FARP1: variants seen among roughly 807,000 people sequenced by gnomAD.
FARP1 encodes FERM, ARHGEF and pleckstrin domain-containing protein 1.
FARP1 carries 52 observed loss-of-function variants against 128.8 expected under a neutral mutation model. That is an observed-to-expected ratio of 0.40 (90% CI 0.32 to 0.51). The LOEUF (loss-of-function observed/expected upper bound fraction) is 0.51. Among genes scored for constraint, FARP1 ranks in the 20% least tolerant of loss-of-function variants. FARP1 has a pLI of 0.45. For synonymous variants in FARP1, 580 were observed against 551.8 expected, an observed-to-expected ratio of 1.05 and a Z score of -0.72; for missense variants, 1,333 against 1,367.9, an observed-to-expected ratio of 0.97 and a Z score of 0.40.
intron 5 of FARP1, 138 bp from the exon 6 acceptor site, chr13:98,377,683 C>A: frequency 1.6e-6 from 1 of 627,858 alleles, no homozygotes. Context: ...CAGTGAATGG[C>A]AGCTGGAATC....
chr13:98,206,115 G>A (rs1880245456), intron 1 of FARP1, among the ~76,000 whole-genome samples: 1 of 151,932 alleles, frequency 6.6e-6, no homozygotes, highest in Admixed American at 6.6e-5. Flanking sequence ...CTTTGCAGGA[G>A]CCTCAGTGGG....
chr13:98,165,214 C>CAA (rs34285712), intron 1 of FARP1, among the ~76,000 whole-genome samples: 33,317 of 84,660 alleles, frequency 0.39, 8,921 homozygotes, highest in South Asian at 0.53. Flanking sequence ...GACTCTGTCT[C>CAA]AAAAAAAAAA....
In FARP1 at chr13:98,455,014, A is replaced by G. The variant is rs1190892112; in HGVS notation, c.*6697A>G. On this transcript the variant is annotated 3_prime_UTR_variant, in exon 27 of 27. Coordinates refer to ENST00000319562, the MANE Select transcript of FARP1 (RefSeq NM_005766.4). ...GTAAATAGGGTCAACCCCAGCCACGATGCCCAGTGAGCACGTAAAATGTGC... is the reference window on the plus strand; with the variant it reads ...GTAAATAGGGTCAACCCCAGCCACGGTGCCCAGTGAGCACGTAAAATGTGC... 2 of 152,254 alleles carry G rather than the reference A, an allele frequency of 1.3e-5. No homozygotes were observed. The highest frequency in any genetic ancestry group is 2.9e-5 in the Non-Finnish European group (2 of 68,054). 9.4% of individuals were successfully genotyped at this position (152,254 alleles called of 1,614,324 possible). A position where few individuals can be genotyped will look rare whatever the true frequency, so the allele number is the denominator to read the frequency against.
At position 98,446,081 on chromosome 13, in the gene FARP1, G is replaced by C. The variant is rs574768202; in HGVS notation, c.2797-17G>C. The C allele has an allele frequency of 3.2e-5, 50 of 1,575,450 alleles. No homozygotes were observed. Among genetic ancestry groups the C allele is most frequent in the Non-Finnish European group, 4.4e-5 (50 of 1,144,950 alleles). On this transcript the variant is annotated splice_polypyrimidine_tract_variant and intron_variant, in intron 24 of 26. Transcript: ENST00000319562. ...CAGGTGCCCGCTGTGCTTCTCACAG[G>C]CCTCCTTGCCTTTCAGAATCAGTTG...
At chr13:98,226,768 T>C (rs9584775) in intron 2 of FARP1, among the ~76,000 whole-genome samples, 39,445 of 151,968 alleles carry the variant, frequency 0.26, 7,668 homozygotes, top group East Asian at 0.76. Context: ...AAATCCCAGC[T>C]GTATTAATCA....
chr13:98,284,742 T>A (rs1421356613), intron 2 of FARP1, among the ~76,000 whole-genome samples: 2 of 152,178 alleles, frequency 1.3e-5, no homozygotes, highest in Admixed American at 1.3e-4. Flanking sequence ...GTTGAGAAAA[T>A]TAATTTCTAA....
At chr13:98,252,186 T>C (rs1883367541) in intron 2 of FARP1, among the ~76,000 whole-genome samples, 1 of 152,204 alleles carries the variant, frequency 6.6e-6, no homozygotes, top group African/African-American at 2.4e-5. Flanking sequence ...ATATGTATTA[T>C]ATTAGCATAT....
chr13:98,412,487 G>C (rs778708139), intron 16 of FARP1, among the ~76,000 whole-genome samples: 1 of 152,182 alleles, frequency 6.6e-6, no homozygotes, highest in African/African-American at 2.4e-5. Flanking sequence ...TGTATGTGGC[G>C]TGTGCATGCG....
At position 98,299,101 on chromosome 13, in the gene FARP1, T is replaced by A; in HGVS notation, c.172-44661T>A. Among the ~76,000 whole-genome samples the A allele has an allele frequency of 3.9e-5, 6 of 152,324 alleles. No individual in the cohort carries two copies. The East Asian group carries it at 9.6e-4, about 24-fold the overall frequency. On this transcript the variant is annotated intron_variant, in intron 2 of 26. Coordinates refer to ENST00000319562, the MANE Select transcript of FARP1 (RefSeq NM_005766.4). ...GTGCACAACTTCAGAAAATATTGAT[T>A]ATATTTAAAAAATATTGATTTTAAT...
At chr13:98,339,471 G>A (rs1165959327) in intron 2 of FARP1, among the ~76,000 whole-genome samples, 1 of 152,178 alleles carries the variant, frequency 6.6e-6, no homozygotes, top group Non-Finnish European at 1.5e-5. Flanking sequence ...TTCAACATGA[G>A]ATTTGGGTGG....
At chr13:98,437,650 G>A (rs563790983) in intron 19 of FARP1, 2 of 626,566 alleles carry the variant, frequency 3.2e-6, no homozygotes, top group Non-Finnish European at 5.7e-6. Context: ...GGTGATAGCT[G>A]GGCGCAGGAA....
intron 2 of FARP1, among the ~76,000 whole-genome samples, chr13:98,300,808 T>A (rs1885893927): frequency 6.6e-6 from 1 of 152,244 alleles, no homozygotes; most frequent in Non-Finnish European, 1.5e-5. Flanking sequence ...TCCAAAAATG[T>A]TGGCCTGGTC....
intron 4 of FARP1, among the ~76,000 whole-genome samples, chr13:98,367,329 AGT>A (rs1889131407): frequency 6.6e-6 from 1 of 152,112 alleles, no homozygotes; most frequent in African/African-American, 2.4e-5. Context: ...ACTAATTTTT[AGT>A]ACAGACAGGG....
At chr13:98,367,070 C>T (rs1276937265) in intron 4 of FARP1, among the ~76,000 whole-genome samples, 1 of 152,034 alleles carries the variant, frequency 6.6e-6, no homozygotes, top group Non-Finnish European at 1.5e-5. Context: ...AAAGGGCAGA[C>T]CTTTTAAGAT....
rs1338044884 is a variant in FARP1 at position 98,217,434 on chromosome 13, G to T, written c.171+4021G>T. ...GCAGGGGCAGGAGTTAGTTGCTGCA[G>T]AGGGAACTCGGCGTCTACGACCGTC... On this transcript the variant is annotated intron_variant, in intron 2 of 26. Transcript: ENST00000319562. Among the ~76,000 whole-genome samples the T allele has an allele frequency of 7.2e-5, 11 of 152,222 alleles. No homozygotes were observed. The East Asian group carries it at 1.9e-3, about 27-fold the overall frequency.
chr13:98,185,486 GA>G (rs1195870138), intron 1 of FARP1, among the ~76,000 whole-genome samples: 1 of 152,142 alleles, frequency 6.6e-6, no homozygotes, highest in Non-Finnish European at 1.5e-5. Flanking sequence ...AACACCCATA[GA>G]AAACTTGGGG....
intron 2 of FARP1, among the ~76,000 whole-genome samples, chr13:98,267,744 A>G: frequency 6.6e-6 from 1 of 152,156 alleles, no homozygotes; most frequent in South Asian, 2.1e-4. Context: ...TTGCCTTCCC[A>G]CCGAGGACTG....
intron 2 of FARP1, among the ~76,000 whole-genome samples, chr13:98,294,769 C>G (rs1250047160): frequency 2.0e-5 from 3 of 152,100 alleles, no homozygotes; most frequent in Non-Finnish European, 4.4e-5. Context: ...GTAATCCCAG[C>G]CCTTTGGGAG....
At chr13:98,148,397 A>G (rs1875733586) in intron 1 of FARP1, among the ~76,000 whole-genome samples, 1 of 152,204 alleles carries the variant, frequency 6.6e-6, no homozygotes, top group African/African-American at 2.4e-5. Context: ...ACAAGACAAT[A>G]AAAGCATGAA....
Sources: allele counts gnomAD v4.1 joint callset (sites outside exome capture counted in the v4.1 genomes callset), GRCh38; gene constraint gnomAD v4.1.1; transcripts MANE v1.5; gene names NCBI Gene and HGNC (gene_info 2026-07-23, HGNC 2026-07-21).